COL25A1: variants seen among roughly 807,000 people sequenced by gnomAD.
The protein encoded by COL25A1 is collagen alpha-1(XXV) chain.
In COL25A1, 103 loss-of-function variants were observed where a neutral mutation model predicts 128.4. The observed-to-expected ratio is 0.80, with a 90% CI of 0.68 to 0.94. The LOEUF (loss-of-function observed/expected upper bound fraction) is 0.94, where lower values mean the gene tolerates loss of function less well. Among genes scored for constraint, COL25A1 ranks in the 40% least tolerant of loss-of-function variants. The pLI is 0.00. For synonymous variants in COL25A1, 279 were observed against 277.2 expected, an observed-to-expected ratio of 1.01 and a Z score of -0.06; for missense variants, 745 against 840.0, an observed-to-expected ratio of 0.89 and a Z score of 1.40.
chr4:108,825,309 C>T lies in COL25A1; in HGVS notation c.1765-87G>A, dbSNP rs150872777. On this transcript the variant is annotated intron_variant, in intron 33 of 37. Transcript: ENST00000399132. ...TATTTAAGGCTGTCTGAACATGCAA[C>T]ACTAGTACTAGAACAACTACTTCAG... 5.0e-4 allele frequency: 485 copies of T among 969,832 alleles called. 1 individual carries two copies. In the African/African-American group the frequency reaches 6.3e-3, roughly 13 times the overall value. The allele number at this position is 969,832 out of a possible 1,614,324, so 60.1% of individuals were successfully genotyped here.
At chr4:109,140,279 C>T (rs1056866713) in intron 3 of COL25A1, among the ~76,000 whole-genome samples, 3 of 152,112 alleles carry the variant, frequency 2.0e-5, no homozygotes, top group Admixed American at 6.6e-5. Flanking sequence ...TGTTCTGTTC[C>T]GCTGGTCTAT....
intron 5 of COL25A1, among the ~76,000 whole-genome samples, chr4:109,021,045 C>A (rs1007434871): frequency 2.0e-5 from 3 of 152,192 alleles, no homozygotes; most frequent in African/African-American, 7.2e-5. Flanking sequence ...TGGGCAGCAG[C>A]CGCATGCCGC....
chr4:109,081,110 T>C (rs1430883699), intron 3 of COL25A1, among the ~76,000 whole-genome samples: 1 of 152,202 alleles, frequency 6.6e-6, no homozygotes, highest in Non-Finnish European at 1.5e-5. Context: ...GATACCATCA[T>C]AATTTACTGT....
intron 5 of COL25A1, among the ~76,000 whole-genome samples, chr4:109,018,795 G>A (rs894677741): frequency 6.6e-6 from 1 of 152,298 alleles, no homozygotes; most frequent in Non-Finnish European, 1.5e-5. Context: ...AGAACCAGTA[G>A]AATGGTTACT....
chr4:109,003,932 T>G (rs1755716389), intron 6 of COL25A1, among the ~76,000 whole-genome samples: 1 of 152,226 alleles, frequency 6.6e-6, no homozygotes, highest in Non-Finnish European at 1.5e-5. Flanking sequence ...CATTATTTAC[T>G]TTATTCCCTT....
intron 12 of COL25A1, 64 bp downstream of exon 12, chr4:108,920,514 C>G: frequency 4.6e-6 from 6 of 1,293,280 alleles, no homozygotes; most frequent in Non-Finnish European, 6.5e-6. Flanking sequence ...TCATTCACCT[C>G]TCCTGCTTGC....
chr4:109,162,567 G>A (rs1367814163), intron 3 of COL25A1, among the ~76,000 whole-genome samples: 2 of 152,290 alleles, frequency 1.3e-5, no homozygotes, highest in Non-Finnish European at 2.9e-5. Flanking sequence ...TACAATGCAA[G>A]TTCCATGCAC....
intron 8 of COL25A1, among the ~76,000 whole-genome samples, chr4:108,966,944 G>GAGAGA (rs1553986330): frequency 7.1e-6 from 1 of 141,626 alleles, no homozygotes; most frequent in Non-Finnish European, 1.6e-5. Flanking sequence ...AAGAAAGAGA[G>GAGAGA]GAAAGAAAGA....
chr4:108,849,212 C>T (rs988305598), intron 26 of COL25A1, among the ~76,000 whole-genome samples: 3 of 152,040 alleles, frequency 2.0e-5, no homozygotes, highest in African/African-American at 4.8e-5. Flanking sequence ...AAAAGGAAAA[C>T]ATAACAGTTA....
rs188618832 is a variant in COL25A1, at chr4:108,937,875, G to A, written c.673-32C>T. 1.0e-3 allele frequency: 1,553 copies of A among 1,555,644 alleles called. 19 individuals carry two copies. In the African/African-American group the frequency reaches 0.019, roughly 19 times the overall value. ...AAAGAATAGTGATAATTTTAGTAAC[G>A]CTGTAAGTATTTAAAAAAAAACCCT... On this transcript the variant is annotated intron_variant, in intron 10 of 37. Transcript: ENST00000399132.
chr4:109,132,814 T>C (rs548340166), intron 3 of COL25A1, among the ~76,000 whole-genome samples: 2 of 152,126 alleles, frequency 1.3e-5, no homozygotes, highest in Non-Finnish European at 2.9e-5. Context: ...ACCTTCTAGA[T>C]TTCCATATTA....
At position 109,057,785 on chromosome 4, in the gene COL25A1, G is replaced by A. The variant is rs115768925; in HGVS notation, c.368-7606C>T. ...CTTCTAAAACTTCTTCCCAGTTATCGCAGTGTAAGTTTAGTTCTTTCTGGT... is the reference window on the plus strand; with the variant it reads ...CTTCTAAAACTTCTTCCCAGTTATCACAGTGTAAGTTTAGTTCTTTCTGGT... On this transcript the variant is annotated intron_variant, in intron 3 of 37. Coordinates refer to ENST00000399132, the MANE Select transcript of COL25A1 (RefSeq NM_198721.4). Among the ~76,000 whole-genome samples, 336 of 152,084 alleles carry A rather than the reference G, an allele frequency of 2.2e-3. 1 individual carries two copies. The highest frequency in any genetic ancestry group is 7.7e-3 in the African/African-American group (321 of 41,500).
At chr4:109,086,876 AGCATTATCAAAATACC>A (rs1370644351) in intron 3 of COL25A1, among the ~76,000 whole-genome samples, 1 of 152,224 alleles carries the variant, frequency 6.6e-6, no homozygotes, top group Non-Finnish European at 1.5e-5. Context: ...TAGTGCCCAC[AGCATTATCAAAATACC>A]GCAAATAAGT....
At chr4:108,827,322 G>A (rs1732516545) in intron 32 of COL25A1, 134 bp from the exon 33 acceptor site, 1 of 737,160 alleles carries the variant, frequency 1.4e-6, no homozygotes, top group African/African-American at 1.8e-5. Context: ...CTCTTGCAGA[G>A]TCACTGCCAG....
At chr4:109,153,381 CA>C (rs34880736) in intron 3 of COL25A1, among the ~76,000 whole-genome samples, 3,031 of 115,888 alleles carry the variant, frequency 0.026, 74 homozygotes, top group African/African-American at 0.077. Context: ...AGCTCCATCT[CA>C]AAAAAAAAAA....
In COL25A1 at chr4:109,162,398, G is replaced by C. The variant is rs17040017; in HGVS notation, c.368-112219C>G. Reference sequence around the variant, plus strand: ...TTAAGGTCAGCAGTCTAATGCAGAAGAGCGAAAAGAAGTGGTGAAATCATC... The same window carrying C: ...TTAAGGTCAGCAGTCTAATGCAGAACAGCGAAAAGAAGTGGTGAAATCATC... On this transcript the variant is annotated intron_variant, in intron 3 of 37. Coordinates refer to ENST00000399132, the MANE Select transcript of COL25A1 (RefSeq NM_198721.4). Among the ~76,000 whole-genome samples, 816 of 152,320 alleles carry C rather than the reference G, an allele frequency of 5.4e-3. 4 individuals are homozygous for C. Among genetic ancestry groups the C allele is most frequent in the East Asian group, 0.037 (194 of 5,186 alleles).
chr4:109,265,412 T>C (rs1781719282), intron 3 of COL25A1, among the ~76,000 whole-genome samples: 2 of 152,148 alleles, frequency 1.3e-5, no homozygotes, highest in African/African-American at 4.8e-5. Context: ...GTATCTCTTT[T>C]CAATTAACAG....
At chr4:109,287,975 C>T (rs902122532) in intron 3 of COL25A1, among the ~76,000 whole-genome samples, 1 of 152,050 alleles carries the variant, frequency 6.6e-6, no homozygotes, top group African/African-American at 2.4e-5. Context: ...GAAGCAACAA[C>T]ACATGCATGA....
chr4:109,295,774 G>A (rs528333895), intron 3 of COL25A1, among the ~76,000 whole-genome samples: 99 of 152,080 alleles, frequency 6.5e-4, no homozygotes, highest in African/African-American at 2.3e-3. Context: ...CAGTCACCAG[G>A]GGCAATATCA....
Sources: allele counts gnomAD v4.1 joint callset (sites outside exome capture counted in the v4.1 genomes callset), GRCh38; gene constraint gnomAD v4.1.1; transcripts MANE v1.5; gene names NCBI Gene and HGNC (gene_info 2026-07-23, HGNC 2026-07-21).